The following POU2F2 variants were observed in gnomAD, a reference collection of about 807,000 sequenced individuals.
POU2F2 encodes POU domain, class 2, transcription factor 2.
Under a neutral mutation model 63.5 loss-of-function variants are expected in POU2F2, and 14 were observed. The observed-to-expected ratio is 0.22, with a 90% CI of 0.15 to 0.34. The LOEUF (loss-of-function observed/expected upper bound fraction) is 0.34, where lower values mean the gene tolerates loss of function less well. Among genes scored for constraint, POU2F2 ranks in the 10% least tolerant of loss-of-function variants. The pLI is 1.00. For missense variants in POU2F2, 607 were observed against 815.2 expected, an observed-to-expected ratio of 0.74 and a Z score of 3.11; for synonymous variants, 306 against 348.6, an observed-to-expected ratio of 0.88 and a Z score of 1.36.
chr19:42,197,821 CA>C (rs747267680), upstream of POU2F2, among the ~76,000 whole-genome samples: 23 of 152,118 alleles, frequency 1.5e-4, no homozygotes, highest in Non-Finnish European at 3.1e-4. Context: ...TTTCATTTTC[CA>C]AAGCTTAGGC....
At chr19:42,107,672 T>C (rs76139383) in intron 5 of POU2F2, among the ~76,000 whole-genome samples, 6,235 of 152,308 alleles carry the variant, frequency 0.041, 184 homozygotes, top group Non-Finnish European at 0.06. Flanking sequence ...ATAGTAAAAA[T>C]TGAGATGTAA....
rs1442293997 is a variant in POU2F2, at chr19:42,162,296, C to A, written c.-69-1904G>T. Among the ~76,000 whole-genome samples the A allele has an allele frequency of 1.3e-5, 2 of 152,122 alleles. No individual in the cohort carries two copies. The highest frequency in any genetic ancestry group is 1.5e-5 in the Non-Finnish European group (1 of 68,022). On this transcript the variant is annotated intron_variant, in intron 1 of 6. Transcript: ENST00000524801. This position sits in a 1 kb window ranked among gnomAD's most constrained non-coding sequence, Gnocchi z 4.1. ...TCCCGGGTTCCCAAACCCCAATATG[C>A]CCTCCGACAGAGGGGAGAGGATCCC... is the stretch of plus-strand genomic sequence containing the variant.
intron 1 of POU2F2, among the ~76,000 whole-genome samples, chr19:42,170,923 G>A (rs1337663535): frequency 6.6e-6 from 1 of 152,238 alleles, no homozygotes. Context: ...ATCAGTTGTC[G>A]AGCCTCCCCT....
At chr19:42,102,073 C>T (rs2077166263) in intron 5 of POU2F2, among the ~76,000 whole-genome samples, 1 of 152,104 alleles carries the variant, frequency 6.6e-6, no homozygotes, top group Non-Finnish European at 1.5e-5. Context: ...ATGTGTTTAC[C>T]ACAAGACATG....
At position 42,162,292 on chromosome 19, in the gene POU2F2, T is replaced by C. The variant is rs2034567267; in HGVS notation, c.-69-1900A>G. ...CATCTCCCGGGTTCCCAAACCCCAATATGCCCTCCGACAGAGGGGAGAGGA... is the reference window on the plus strand; with the variant it reads ...CATCTCCCGGGTTCCCAAACCCCAACATGCCCTCCGACAGAGGGGAGAGGA... On this transcript the variant is annotated intron_variant, in intron 1 of 6. Coordinates refer to the POU2F2 transcript ENST00000524801. The surrounding 1 kb of genome is among the most constrained non-coding windows in gnomAD (Gnocchi z 4.1). Among the ~76,000 whole-genome samples the C allele has an allele frequency of 2.6e-5, 4 of 152,114 alleles. No individual in the cohort carries two copies. The South Asian group carries it at 8.3e-4, about 32-fold the overall frequency.
At chr19:42,184,362 A>G (rs1568427529) in intron 1 of POU2F2, among the ~76,000 whole-genome samples, 1 of 152,076 alleles carries the variant, frequency 6.6e-6, no homozygotes, top group Non-Finnish European at 1.5e-5. Context: ...CCCTTCCCAG[A>G]ACTTCCTCCC....
chr19:42,144,795 A>G (rs544390155), intron 2 of POU2F2, among the ~76,000 whole-genome samples: 10 of 152,254 alleles, frequency 6.6e-5, no homozygotes, highest in Non-Finnish European at 1.3e-4. Flanking sequence ...AGAGAGGGCA[A>G]GGACTTGCCC....
chr19:42,136,186 CTTT>C (rs775409108), upstream of POU2F2, among the ~76,000 whole-genome samples: 8 of 130,434 alleles, frequency 6.1e-5, no homozygotes, highest in African/African-American at 5.8e-5. Flanking sequence ...CTATGCTTTC[CTTT>C]TTTTTTTTTT....
chr19:42,114,482 G>A (rs909633848), intron 5 of POU2F2, among the ~76,000 whole-genome samples: 1 of 152,128 alleles, frequency 6.6e-6, no homozygotes, highest in African/African-American at 2.4e-5. Context: ...ATGCAAAAGA[G>A]CTCAGCCCCA....
At chr19:42,170,372 C>T (rs2034737205) in intron 1 of POU2F2, among the ~76,000 whole-genome samples, 1 of 150,170 alleles carries the variant, frequency 6.7e-6, no homozygotes, top group Non-Finnish European at 1.5e-5. Flanking sequence ...ATGGAAGGCT[C>T]AGAGTGCAGA....
chr19:42,195,508 A>G lies in POU2F2; in HGVS notation c.-70+875T>C, dbSNP rs546487008. 2.2e-3 allele frequency among the ~76,000 whole-genome samples: 335 copies of G among 150,876 alleles called. 3 individuals are homozygous for G. Among genetic ancestry groups the G allele is most frequent in the African/African-American group, 7.8e-3 (320 of 41,140 alleles). ...CCACCACACCAGGCTAATTTTTTGT[A>G]TTTTTAGTAGAGAAGGGGTTTCCCA... On this transcript the variant is annotated intron_variant, in intron 1 of 5. Coordinates refer to the POU2F2 transcript ENST00000532176.
At chr19:42,122,902 G>A (rs575642474) in intron 1 of POU2F2, among the ~76,000 whole-genome samples, 1 of 152,336 alleles carries the variant, frequency 6.6e-6, no homozygotes, top group East Asian at 1.9e-4. Flanking sequence ...CAGCTGCCCA[G>A]GAGGAGGCTG....
chr19:42,183,995 ATTTTTTT>A (rs577786741), intron 1 of POU2F2, among the ~76,000 whole-genome samples: 1 of 125,782 alleles, frequency 8.0e-6, no homozygotes. Flanking sequence ...ACGACTGGGG[ATTTTTTT>A]TTTTTTTTTT....
chr19:42,164,673 T>TAA (rs1438285500), intron 1 of POU2F2, among the ~76,000 whole-genome samples: 1 of 149,328 alleles, frequency 6.7e-6, no homozygotes, highest in East Asian at 2.0e-4. Flanking sequence ...AAAAAAAAGC[T>TAA]AAGACAGTCA....
chr19:42,091,644 C>T (rs1457677447), intron 14 of POU2F2, 53 bp from the exon 15 acceptor site: 9 of 1,545,312 alleles, frequency 5.8e-6, no homozygotes, highest in Non-Finnish European at 7.9e-6. Context: ...CAGGGGAGAC[C>T]TTTGCCTTCC....
intron 2 of POU2F2, among the ~76,000 whole-genome samples, chr19:42,154,075 C>T (rs1258842446): frequency 1.3e-5 from 2 of 151,444 alleles, no homozygotes; most frequent in Non-Finnish European, 3.0e-5. Flanking sequence ...CCGTCCCTCC[C>T]AACCCCCCCA....
intron 1 of POU2F2, among the ~76,000 whole-genome samples, chr19:42,183,233 C>A (rs1456084687): frequency 1.3e-5 from 2 of 152,160 alleles, no homozygotes; most frequent in African/African-American, 4.8e-5. Context: ...CTCATAGAGA[C>A]CCTCATCTGA....
intron 5 of POU2F2, among the ~76,000 whole-genome samples, chr19:42,114,889 C>G (rs1180535956): frequency 6.6e-6 from 1 of 152,136 alleles, no homozygotes; most frequent in Non-Finnish European, 1.5e-5. Context: ...GCCTATAATC[C>G]CGCACTTTGA....
At chr19:42,160,941 T>C (rs2034541085) in intron 1 of POU2F2, among the ~76,000 whole-genome samples, 1 of 152,238 alleles carries the variant, frequency 6.6e-6, no homozygotes, top group Non-Finnish European at 1.5e-5. Context: ...CTTGTACATT[T>C]GTCCATTCAT....
Sources: gnomAD v4.1 joint callset for allele counts (sites outside exome capture counted in the v4.1 genomes callset) on GRCh38, gnomAD v4.1.1 for gene constraint, Gnocchi (gnomAD v3.1) non-coding constraint, MANE v1.5 for transcripts, NCBI Gene and HGNC (gene_info 2026-07-23, HGNC 2026-07-21) for gene names.